Variants in RAD51B observed in about 807,000 individuals in gnomAD.
The protein encoded by RAD51B is DNA repair protein RAD51 homolog 2.
Under a neutral mutation model 42.2 loss-of-function variants are expected in RAD51B, and 38 were observed. That is an observed-to-expected ratio of 0.90 (90% CI 0.70 to 1.18). The LOEUF (loss-of-function observed/expected upper bound fraction) is 1.18. Ranked by LOEUF, RAD51B falls within the 50% of genes most tolerant of loss-of-function variation. The pLI is 0.00. For missense variants in RAD51B, 373 were observed against 400.7 expected, an observed-to-expected ratio of 0.93 and a Z score of 0.59; for synonymous variants, 154 against 145.2, an observed-to-expected ratio of 1.06 and a Z score of -0.43.
chr14:68,167,296 C>T (rs1423382226), intron 7 of RAD51B, among the ~76,000 whole-genome samples: 3 of 152,134 alleles, frequency 2.0e-5, no homozygotes, highest in African/African-American at 7.2e-5. Flanking sequence ...TCTCTCCACC[C>T]ACTTCTTTAA....
intron 10 of RAD51B, among the ~76,000 whole-genome samples, chr14:68,537,923 T>C (rs1887734509): frequency 6.6e-6 from 1 of 152,196 alleles, no homozygotes; most frequent in African/African-American, 2.4e-5. Context: ...AAGATGATGA[T>C]TTACCCAAGG....
rs1263441741 is a variant in RAD51B at position 68,252,516 on chromosome 14, CAT to C, written c.757-39367_757-39366del. 2.6e-5 allele frequency among the ~76,000 whole-genome samples: 4 copies of C among 152,334 alleles called. No individual in the cohort carries two copies. The East Asian group carries it at 7.7e-4, about 29-fold the overall frequency. ...TCATACACACATGTATGTGCACACA[CAT>C]GTCTTTTGCCAAACAATGGAGAAAC... On this transcript the variant is annotated intron_variant, in intron 7 of 10. Coordinates refer to ENST00000471583, the MANE Select transcript of RAD51B (RefSeq NM_133510.4).
chr14:68,429,364 CCCA>C (rs1232877862), intron 9 of RAD51B, among the ~76,000 whole-genome samples: 1 of 152,158 alleles, frequency 6.6e-6, no homozygotes, highest in Non-Finnish European at 1.5e-5. Flanking sequence ...AGTTTACAGT[CCCA>C]CCAACAGTGT....
At chr14:68,462,750 G>A (rs1310433849) in intron 9 of RAD51B, among the ~76,000 whole-genome samples, 1 of 152,166 alleles carries the variant, frequency 6.6e-6, no homozygotes, top group African/African-American at 2.4e-5. Flanking sequence ...AAGTGTATTT[G>A]TTAGAGTGCA....
rs552018627 is a variant in RAD51B, at chr14:67,912,912, G to A, written c.756+25708G>A. Among the ~76,000 whole-genome samples, 3 of 152,152 alleles carry A rather than the reference G, an allele frequency of 2.0e-5. No homozygotes were observed. The East Asian group carries it at 5.8e-4, about 29-fold the overall frequency. Reference sequence around the variant, plus strand: ...GTGGAGACTGGGTTTCACCATATTGGCCAGGCTGGTCTCGAACTCCTGACC... The same window carrying A: ...GTGGAGACTGGGTTTCACCATATTGACCAGGCTGGTCTCGAACTCCTGACC... On this transcript the variant is annotated intron_variant, in intron 7 of 10. Transcript: ENST00000471583.
intron 10 of RAD51B, chr14:68,562,502 T>C (rs1262349847): frequency 6.1e-6 from 6 of 985,284 alleles, no homozygotes; most frequent in Non-Finnish European, 7.2e-6. Context: ...CTGCCTCAGT[T>C]TCCCTCTGCA....
intron 8 of RAD51B, among the ~76,000 whole-genome samples, chr14:68,404,369 T>C (rs1426618864): frequency 6.6e-6 from 1 of 152,202 alleles, no homozygotes; most frequent in Non-Finnish European, 1.5e-5. Flanking sequence ...AATTAGGTCA[T>C]CTTGCAGGAA....
intron 10 of RAD51B, among the ~76,000 whole-genome samples, chr14:68,505,562 T>C (rs947728156): frequency 6.7e-6 from 1 of 149,528 alleles, no homozygotes; most frequent in African/African-American, 2.5e-5. Flanking sequence ...TTTTTTTTTT[T>C]TTTTTTGAGA....
intron 8 of RAD51B, among the ~76,000 whole-genome samples, chr14:68,394,224 C>T (rs1036848629): frequency 6.6e-6 from 1 of 152,200 alleles, no homozygotes; most frequent in South Asian, 2.1e-4. Context: ...TCGCTGCTTC[C>T]GCAAACCCTT....
chr14:68,202,799 C>G (rs1368506783), intron 7 of RAD51B, among the ~76,000 whole-genome samples: 1 of 151,898 alleles, frequency 6.6e-6, no homozygotes, highest in African/African-American at 2.4e-5. Context: ...TCAGGCTGGT[C>G]TCGAACTCCC....
At chr14:68,349,387 G>A (rs925305141) in intron 8 of RAD51B, among the ~76,000 whole-genome samples, 10 of 151,272 alleles carry the variant, frequency 6.6e-5, no homozygotes, top group African/African-American at 2.2e-4. Flanking sequence ...ATTTTTTTTG[G>A]ATGGAGTCTT....
chr14:68,491,296 G>A (rs893909501), intron 10 of RAD51B, among the ~76,000 whole-genome samples: 5 of 152,172 alleles, frequency 3.3e-5, no homozygotes, highest in Non-Finnish European at 5.9e-5. Context: ...TATACTAGGT[G>A]CAACGCATCA....
intron 7 of RAD51B, among the ~76,000 whole-genome samples, chr14:68,098,353 G>T (rs1426962973): frequency 6.6e-6 from 1 of 152,216 alleles, no homozygotes; most frequent in Non-Finnish European, 1.5e-5. Flanking sequence ...AATAGTACCT[G>T]CCCAGGCAAT....
chr14:68,141,327 C>T (rs904190304), intron 7 of RAD51B, among the ~76,000 whole-genome samples: 3 of 152,040 alleles, frequency 2.0e-5, no homozygotes, highest in Non-Finnish European at 2.9e-5. Flanking sequence ...AAATATAATC[C>T]TCCCAAGTAA....
At chr14:68,200,345 G>A (rs1234666388) in intron 7 of RAD51B, among the ~76,000 whole-genome samples, 1 of 152,210 alleles carries the variant, frequency 6.6e-6, no homozygotes, top group Admixed American at 6.5e-5. Context: ...TCTTTGAAAA[G>A]ATGGAGCTTG....
At chr14:68,204,649 G>A (rs557412337) in intron 7 of RAD51B, among the ~76,000 whole-genome samples, 29 of 152,262 alleles carry the variant, frequency 1.9e-4, no homozygotes, top group Admixed American at 8.5e-4. Context: ...AATAAAGTAA[G>A]GTATGTCTCT....
intron 7 of RAD51B, among the ~76,000 whole-genome samples, chr14:67,893,662 C>T (rs144338953): frequency 7.3e-4 from 111 of 151,950 alleles, no homozygotes; most frequent in African/African-American, 2.6e-3. Flanking sequence ...CAGAGCAAGA[C>T]CCTGTCTCAA....
intron 7 of RAD51B, among the ~76,000 whole-genome samples, chr14:68,068,402 T>C (rs2076688888): frequency 6.6e-6 from 1 of 152,216 alleles, no homozygotes; most frequent in African/African-American, 2.4e-5. Context: ...TCTTTTCTCT[T>C]TGTAGAATGT....
At chr14:68,520,915 G>T (rs909886862) in intron 10 of RAD51B, among the ~76,000 whole-genome samples, 6 of 152,234 alleles carry the variant, frequency 3.9e-5, no homozygotes, top group Non-Finnish European at 2.9e-5. Context: ...AAGGTTGACT[G>T]CATCAAGAAC....
Sources: gnomAD v4.1 joint callset for allele counts (sites outside exome capture counted in the v4.1 genomes callset) on GRCh38, gnomAD v4.1.1 for gene constraint, MANE v1.5 for transcripts, NCBI Gene and HGNC (gene_info 2026-07-23, HGNC 2026-07-21) for gene names.